MYO5B: variants seen among roughly 807,000 people sequenced by gnomAD.
The protein encoded by MYO5B is myosin VB, also known as unconventional myosin-Vb.
MYO5B carries 143 observed loss-of-function variants against 229.3 expected under a neutral mutation model. The observed-to-expected ratio is 0.62, with a 90% CI of 0.54 to 0.72. MYO5B has a LOEUF of 0.72. Among genes scored for constraint, MYO5B ranks in the 30% least tolerant of loss-of-function variants. MYO5B has a pLI of 0.00. For synonymous variants in MYO5B, 918 were observed against 885.2 expected, an observed-to-expected ratio of 1.04 and a Z score of -0.66; for missense variants, 2,321 against 2,331.0, an observed-to-expected ratio of 1.00 and a Z score of 0.09.
At chr18:50,015,736 C>G (rs2026209196) in intron 4 of MYO5B, among the ~76,000 whole-genome samples, 1 of 152,204 alleles carries the variant, frequency 6.6e-6, no homozygotes, top group Non-Finnish European at 1.5e-5. Flanking sequence ...ACCTTCTGTG[C>G]CATCGAGGTG....
intron 26 of MYO5B, among the ~76,000 whole-genome samples, chr18:49,872,464 T>C (rs548275970): frequency 1.3e-5 from 2 of 152,100 alleles, no homozygotes; most frequent in Non-Finnish European, 2.9e-5. Context: ...TTCACTCACA[T>C]GGTCCCCACA....
chr18:49,900,865 G>A (rs566506101), intron 21 of MYO5B, among the ~76,000 whole-genome samples: 38 of 152,258 alleles, frequency 2.5e-4, no homozygotes, highest in Admixed American at 1.2e-3. Flanking sequence ...AGGCATGCAC[G>A]GGAAAGGACT....
At chr18:49,838,927 A>C (rs1008975134) in intron 36 of MYO5B, among the ~76,000 whole-genome samples, 6 of 152,260 alleles carry the variant, frequency 3.9e-5, no homozygotes, top group African/African-American at 1.4e-4. Context: ...AAAGAGATAA[A>C]GGGAAAGTCA....
chr18:49,918,876 T>C (rs1461302569), intron 17 of MYO5B, among the ~76,000 whole-genome samples: 1 of 152,156 alleles, frequency 6.6e-6, no homozygotes, highest in African/African-American at 2.4e-5. Context: ...GTACTAGGGA[T>C]GGACAAAATT....
At chr18:49,989,395 CTG>C (rs567924440) in intron 7 of MYO5B, among the ~76,000 whole-genome samples, 56 of 152,254 alleles carry the variant, frequency 3.7e-4, no homozygotes, top group Non-Finnish European at 7.2e-4. Flanking sequence ...ACCAACTACT[CTG>C]TTTAGACACC....
At chr18:49,947,080 A>G (rs1010070034) in intron 14 of MYO5B, among the ~76,000 whole-genome samples, 2 of 151,324 alleles carry the variant, frequency 1.3e-5, no homozygotes, top group African/African-American at 2.4e-5. Flanking sequence ...CAGAGTCACA[A>G]TGAAAAGTAG....
At chr18:49,865,732 G>A (rs1462187099) in intron 27 of MYO5B, among the ~76,000 whole-genome samples, 2 of 152,218 alleles carry the variant, frequency 1.3e-5, no homozygotes, top group Non-Finnish European at 1.5e-5. Context: ...GCTGTTGGCT[G>A]TGTGCCTGTG....
chr18:49,878,039 T>C (rs2024546734), intron 24 of MYO5B, among the ~76,000 whole-genome samples, 157 bp from the exon 25 acceptor site: 1 of 152,240 alleles, frequency 6.6e-6, no homozygotes, highest in African/African-American at 2.4e-5. Context: ...AAGCTAGCCC[T>C]ATGAAACATT....
chr18:49,989,054 C>G lies in MYO5B; in HGVS notation c.838+1385G>C, dbSNP rs530476620. Among the ~76,000 whole-genome samples the G allele has an allele frequency of 1.4e-4, 22 of 152,318 alleles. No homozygotes were observed. In the South Asian group the frequency reaches 3.9e-3, roughly 27 times the overall value. On this transcript the variant is annotated intron_variant, in intron 7 of 39. Transcript: ENST00000285039. ...CTCCTCAGCTCTGCTTCCTTCAGCA[C>G]AGCCCTTAGCACTCTGCATCATAAT...
rs1359353871 is a variant in MYO5B at position 50,169,601 on chromosome 18, G to A, written c.27+25166C>T. On this transcript the variant is annotated intron_variant, in intron 1 of 39. Transcript: ENST00000285039. ...AGGCCATGAAAGTCAAGGAAATACT[G>A]AGGAAACGTTCCAGATTGGAAGAGA... Among the ~76,000 whole-genome samples the A allele has an allele frequency of 2.4e-5, 3 of 127,502 alleles. 1 individual carries two copies. The highest frequency in any genetic ancestry group is 5.5e-4 in the South Asian group (2 of 3,640). The allele number at this position is 127,502 out of a possible 152,430, so 83.6% of individuals were successfully genotyped here. A position where few individuals can be genotyped will look rare whatever the true frequency, so the allele number is the denominator to read the frequency against.
chr18:50,097,508 AT>A (rs2031575357), intron 1 of MYO5B: 9 of 331,794 alleles, frequency 2.7e-5, no homozygotes, highest in South Asian at 2.2e-4. Context: ...TCGCGGTGTT[AT>A]TTAAATCATT....
intron 2 of MYO5B, 72 bp downstream of exon 2, chr18:50,055,196 C>A (rs1039081691): frequency 8.9e-6 from 9 of 1,016,196 alleles, no homozygotes; most frequent in Non-Finnish European, 1.4e-5. Context: ...GTACTATCTA[C>A]TCCTGTTCCT....
intron 1 of MYO5B, among the ~76,000 whole-genome samples, chr18:50,159,825 T>C (rs2032738016): frequency 6.6e-6 from 1 of 152,180 alleles, no homozygotes; most frequent in Non-Finnish European, 1.5e-5. Context: ...ACGCCACTGA[T>C]ATCATGCTGC....
intron 14 of MYO5B, among the ~76,000 whole-genome samples, chr18:49,945,285 G>T (rs1430169426): frequency 6.6e-6 from 1 of 152,064 alleles, no homozygotes. Flanking sequence ...CACAATTCCA[G>T]CTCGCTCTTC....
chr18:50,012,581 A>G (rs2026173825), intron 4 of MYO5B, among the ~76,000 whole-genome samples: 1 of 152,230 alleles, frequency 6.6e-6, no homozygotes, highest in Non-Finnish European at 1.5e-5. Context: ...CAGATGCACA[A>G]GCATTAAGAT....
chr18:50,154,315 C>G (rs1334213235), intron 1 of MYO5B, among the ~76,000 whole-genome samples: 2 of 152,256 alleles, frequency 1.3e-5, no homozygotes, highest in Non-Finnish European at 1.5e-5. Context: ...CCAAAAAAGT[C>G]AATGACAAGA....
At chr18:49,955,112 A>C (rs1405733462) in intron 12 of MYO5B, among the ~76,000 whole-genome samples, 1 of 152,170 alleles carries the variant, frequency 6.6e-6, no homozygotes, top group Non-Finnish European at 1.5e-5. Context: ...AAGAACTTAG[A>C]ACTGGGCTCT....
At chr18:50,109,003 T>G (rs1043346120) in intron 1 of MYO5B, among the ~76,000 whole-genome samples, 1 of 152,140 alleles carries the variant, frequency 6.6e-6, no homozygotes, top group Non-Finnish European at 1.5e-5. Context: ...ATAAAGTCAC[T>G]GGGGTGATGA....
intron 1 of MYO5B, among the ~76,000 whole-genome samples, chr18:50,089,575 CAAA>C (rs570849955): frequency 0.045 from 5,635 of 123,942 alleles, 368 homozygotes; most frequent in African/African-American, 0.15. Flanking sequence ...TCATCTCTAC[CAAA>C]AAAAAAAAAA....
Sources: gnomAD v4.1 joint callset for allele counts (sites outside exome capture counted in the v4.1 genomes callset) on GRCh38, gnomAD v4.1.1 for gene constraint, MANE v1.5 for transcripts, NCBI Gene and HGNC (gene_info 2026-07-23, HGNC 2026-07-21) for gene names.